Variants in PARPBP observed in about 807,000 individuals in gnomAD.
The protein encoded by PARPBP is PCNA-interacting partner.
Under a neutral mutation model 50.0 loss-of-function variants are expected in PARPBP, and 52 were observed. The observed-to-expected ratio is 1.04, with a 90% CI of 0.83 to 1.31. The LOEUF is 1.31. Ranked by LOEUF, PARPBP falls within the 50% of genes most tolerant of loss-of-function variation. PARPBP has a pLI of 0.00. For missense variants in PARPBP, 697 were observed against 672.0 expected (o/e 1.04, Z -0.41); for synonymous variants, 244 against 232.1 (o/e 1.05, Z -0.47).
chr12:102,160,583 A>C (rs1946226151), intron 4 of PARPBP, among the ~76,000 whole-genome samples: 1 of 152,214 alleles, frequency 6.6e-6, no homozygotes, highest in Non-Finnish European at 1.5e-5. Flanking sequence ...TTAAAATGGA[A>C]ACTCATATTA....
At chr12:102,191,827 G>C (rs145218868) in intron 9 of PARPBP, among the ~76,000 whole-genome samples, 1 of 152,244 alleles carries the variant, frequency 6.6e-6, no homozygotes, top group African/African-American at 2.4e-5. Context: ...CATGTGACTT[G>C]AACATGAAAT....
At chr12:102,130,855 CAGAAAA>C (rs1882739581) in intron 2 of PARPBP, among the ~76,000 whole-genome samples, 1 of 145,388 alleles carries the variant, frequency 6.9e-6, no homozygotes, top group Non-Finnish European at 1.5e-5. Context: ...AACACCATCT[CAGAAAA>C]AAAAAAACCT....
At chr12:102,147,039 A>T (rs1180055604) in intron 2 of PARPBP, among the ~76,000 whole-genome samples, 1 of 152,134 alleles carries the variant, frequency 6.6e-6, no homozygotes, top group African/African-American at 2.4e-5. Flanking sequence ...CACCAGTTAG[A>T]ATGGCAATCA....
At chr12:102,155,758 G>A (rs1376864477) in intron 4 of PARPBP, among the ~76,000 whole-genome samples, 1 of 152,174 alleles carries the variant, frequency 6.6e-6, no homozygotes, top group Non-Finnish European at 1.5e-5. Context: ...GGCTTGAGCA[G>A]AGCTTTTGCT....
At chr12:102,150,658 G>C (rs1886068323) in intron 3 of PARPBP, among the ~76,000 whole-genome samples, 1 of 152,216 alleles carries the variant, frequency 6.6e-6, no homozygotes, top group African/African-American at 2.4e-5. Context: ...ACTAAGTAGA[G>C]AGATTTGATA....
intron 7 of PARPBP, among the ~76,000 whole-genome samples, chr12:102,175,984 T>C (rs1328349857): frequency 6.6e-6 from 1 of 151,762 alleles, no homozygotes; most frequent in East Asian, 1.9e-4. Flanking sequence ...CCATAAATAT[T>C]CTTTTTTTTT....
At chr12:102,192,852 T>G (rs1890921500) in intron 9 of PARPBP, among the ~76,000 whole-genome samples, 1 of 150,594 alleles carries the variant, frequency 6.6e-6, no homozygotes, top group Non-Finnish European at 1.5e-5. Flanking sequence ...GGTAATTGAT[T>G]AAAAAAAAAG....
chr12:102,137,254 T>G (rs556640051), intron 2 of PARPBP, among the ~76,000 whole-genome samples: 1 of 152,148 alleles, frequency 6.6e-6, no homozygotes, highest in Non-Finnish European at 1.5e-5. Flanking sequence ...CGTAAGTTTT[T>G]AATTCTCTGA....
intron 9 of PARPBP, among the ~76,000 whole-genome samples, chr12:102,183,369 A>G (rs1371118517): frequency 6.6e-6 from 1 of 152,118 alleles, no homozygotes; most frequent in African/African-American, 2.4e-5. Flanking sequence ...AGAGAAGACT[A>G]ATTTGTATGC....
At chr12:102,172,518 C>T (rs1888858869) in intron 6 of PARPBP, among the ~76,000 whole-genome samples, 1 of 152,156 alleles carries the variant, frequency 6.6e-6, no homozygotes, top group South Asian at 2.1e-4. Flanking sequence ...TAGAAGCTAA[C>T]CTAATGGTGG....
chr12:102,150,029 G>A (rs1885976394), intron 3 of PARPBP, among the ~76,000 whole-genome samples: 1 of 151,994 alleles, frequency 6.6e-6, no homozygotes, highest in Admixed American at 6.5e-5. Flanking sequence ...TCTATTCCTC[G>A]CCCTTGTCTA....
At position 102,194,963 on chromosome 12, in the gene PARPBP, G is replaced by A. The variant is rs186741774; in HGVS notation, c.1264-349G>A. On this transcript the variant is annotated intron_variant, in intron 9 of 10. Transcript: ENST00000327680. ...TTTTCTATGATTATGTATATCACCT[G>A]TATTGTTATTTTACTTACAATAAGA... is the stretch of plus-strand genomic sequence containing the variant. Among the ~76,000 whole-genome samples the A allele has an allele frequency of 2.6e-5, 4 of 151,002 alleles. No individual in the cohort carries two copies. In the East Asian group the frequency reaches 5.8e-4, roughly 22 times the overall value.
Position 102,138,096 on chromosome 12 carries a change from A to C in PARPBP, c.154-10134A>C, listed in dbSNP as rs1042809587. ...AATCACCACACTGACTTCCACAATG[A>C]ATGAACTAGTTTACAGTCCCACCAA... On this transcript the variant is annotated intron_variant, in intron 2 of 10. Transcript: ENST00000327680. 3.3e-5 allele frequency among the ~76,000 whole-genome samples: 5 copies of C among 152,136 alleles called. No individual in the cohort carries two copies. The South Asian group carries it at 1.0e-3, about 32-fold the overall frequency.
chr12:102,145,724 A>C (rs2138476135), intron 2 of PARPBP, among the ~76,000 whole-genome samples: 1 of 152,322 alleles, frequency 6.6e-6, no homozygotes, highest in South Asian at 2.1e-4. Context: ...TCTGTCAAAA[A>C]AGAGAAAGAA....
chr12:102,164,335 G>T, intron 4 of PARPBP, 103 bp from the exon 5 acceptor site: 1 of 785,824 alleles, frequency 1.3e-6, no homozygotes, highest in Non-Finnish European at 2.1e-6. Flanking sequence ...GTTAAGTGAG[G>T]TATTGTGATT....
chr12:102,140,238 C>T (rs1317094122), intron 2 of PARPBP, among the ~76,000 whole-genome samples: 1 of 152,084 alleles, frequency 6.6e-6, no homozygotes, highest in Non-Finnish European at 1.5e-5. Context: ...AGGAATTGAT[C>T]CATTTCTTCT....
At chr12:102,178,320 A>G (rs1889483719) in intron 7 of PARPBP, among the ~76,000 whole-genome samples, 1 of 152,208 alleles carries the variant, frequency 6.6e-6, no homozygotes, top group South Asian at 2.1e-4. Context: ...GATAGTGGCT[A>G]AAGTTTTCTG....
chr12:102,151,133 G>T (rs139268815), intron 3 of PARPBP, among the ~76,000 whole-genome samples: 167 of 152,266 alleles, frequency 1.1e-3, no homozygotes, highest in African/African-American at 3.9e-3. Flanking sequence ...GTGCGTAACA[G>T]AACAGAGCTA....
chr12:102,154,016 C>T, intron 4 of PARPBP, 40 bp downstream of exon 4: 3 of 1,180,092 alleles, frequency 2.5e-6, no homozygotes, highest in African/African-American at 1.5e-5. Context: ...AGACTATAAT[C>T]CCTTTCAAAT....
Sources: allele counts gnomAD v4.1 joint callset (sites outside exome capture counted in the v4.1 genomes callset), GRCh38; gene constraint gnomAD v4.1.1; transcripts MANE v1.5; gene names NCBI Gene and HGNC (gene_info 2026-07-23, HGNC 2026-07-21).